The following DPY19L2 variants were observed in gnomAD, a reference collection of about 807,000 sequenced individuals.
DPY19L2 encodes dpy-19 like 2, also known as probable C-mannosyltransferase DPY19L2.
Under a neutral mutation model 97.9 loss-of-function variants are expected in DPY19L2, and 34 were observed. That is an observed-to-expected ratio of 0.35 (90% CI 0.26 to 0.46). DPY19L2 has a LOEUF of 0.46. Among genes scored for constraint, DPY19L2 ranks in the 20% least tolerant of loss-of-function variants. DPY19L2 has a pLI of 1.00. For synonymous variants in DPY19L2, 230 were observed against 307.9 expected (o/e 0.75, Z 2.65); for missense variants, 623 against 911.4 (o/e 0.68, Z 4.07).
At chr12:63,659,876 A>C (rs1288934960) in intron 4 of DPY19L2, among the ~76,000 whole-genome samples, 2 of 152,300 alleles carry the variant, frequency 1.3e-5, no homozygotes, top group Non-Finnish European at 2.9e-5. Context: ...ACCTCAAAAA[A>C]GCTGATTTGG....
At chr12:63,650,326 C>A (rs1269434101) in intron 4 of DPY19L2, among the ~76,000 whole-genome samples, 3 of 152,078 alleles carry the variant, frequency 2.0e-5, no homozygotes, top group Admixed American at 6.5e-5. Flanking sequence ...CCAGAGCAAT[C>A]AGGCAAAAGA....
chr12:63,625,754 C>A (rs571762042), intron 7 of DPY19L2, among the ~76,000 whole-genome samples: 1 of 152,082 alleles, frequency 6.6e-6, no homozygotes, highest in Non-Finnish European at 1.5e-5. Context: ...AGGCCTGAGG[C>A]CTCTTTCATT....
chr12:63,634,596 T>A (rs1346349861), intron 6 of DPY19L2, among the ~76,000 whole-genome samples: 3 of 152,134 alleles, frequency 2.0e-5, no homozygotes, highest in Non-Finnish European at 2.9e-5. Flanking sequence ...TACGGCACTT[T>A]TCCAACGGTC....
rs71434019 is a variant in DPY19L2 at position 63,600,611 on chromosome 12, CTTTTTTT to C, written c.1279-232_1279-226del. Among the ~76,000 whole-genome samples, 16 of 110,572 alleles carry C rather than the reference CTTTTTTT, an allele frequency of 1.4e-4. 1 individual carries two copies. The South Asian group carries it at 3.3e-3, about 23-fold the overall frequency. The allele number at this position is 110,572 out of a possible 152,430, so 72.5% of individuals were successfully genotyped here. On this transcript the variant is annotated intron_variant, in intron 12 of 21. Coordinates refer to ENST00000324472, the MANE Select transcript of DPY19L2 (RefSeq NM_173812.5). ...CACTAGAATTCTACATATCCTAAATCTTTTTTTTTTTTTTTTTTTTGTCTTAAGGAGT... is the reference window on the plus strand; with the variant it reads ...CACTAGAATTCTACATATCCTAAATCTTTTTTTTTTTTTGTCTTAAGGAGT...
chr12:63,632,016 C>G (rs1020282926), intron 6 of DPY19L2, among the ~76,000 whole-genome samples: 19 of 152,110 alleles, frequency 1.2e-4, no homozygotes, highest in Non-Finnish European at 2.8e-4. Flanking sequence ...ATTCAACAAC[C>G]CCTCATGCTA....
At chr12:63,609,968 C>A (rs1335061531) in intron 11 of DPY19L2, among the ~76,000 whole-genome samples, 1 of 151,568 alleles carries the variant, frequency 6.6e-6, no homozygotes, top group Admixed American at 6.6e-5. Context: ...AGTTAGGCAA[C>A]AACCTAAATG....
chr12:63,559,357 A>T lies in DPY19L2; in HGVS notation c.*1155T>A, dbSNP rs1876079009. On this transcript the variant is annotated 3_prime_UTR_variant, in exon 22 of 22. Coordinates refer to ENST00000324472, the MANE Select transcript of DPY19L2 (RefSeq NM_173812.5). The stretch of plus-strand genomic sequence containing the variant: ...GCAAGAACATAAGGGAATTATAAAA[A>T]CCCCAAGATGACTCATTTAAAGTAG... 6.6e-6 allele frequency: 1 copy of T among 152,252 alleles called. No homozygotes were observed. Among genetic ancestry groups the T allele is most frequent in the South Asian group, 2.1e-4 (1 of 4,826 alleles). The allele number at this position is 152,252 out of a possible 1,614,324, so 9.4% of individuals were successfully genotyped here. A position where few individuals can be genotyped will look rare whatever the true frequency, so the allele number is the denominator to read the frequency against.
At position 63,647,311 on chromosome 12, in the gene DPY19L2, G is replaced by C. The variant is rs759775624; in HGVS notation, c.643C>G (p.Leu215Val). ...TFMGIMNLFGLETKTCWNVTR... is the reference protein window; with the variant it reads ...TFMGIMNLFGVETKTCWNVTR... ...ACATTCCAGCAGGTCTTAGTTTCTAGTCCAAATAAATTCATTATTCCCATG... is the reference window on the plus strand; with the variant it reads ...ACATTCCAGCAGGTCTTAGTTTCTACTCCAAATAAATTCATTATTCCCATG... The change falls in exon 5 of 22, where the codon CTA becomes GTA. Residue 215 changes from leucine (L) to valine (V), a missense_variant. Physicochemically the swap from Leu to Val is conservative, Grantham distance 32 (BLOSUM62 1). Coordinates refer to ENST00000324472, the MANE Select transcript of DPY19L2 (RefSeq NM_173812.5). The C allele has an allele frequency of 6.3e-7, 1 of 1,590,182 alleles. No individual in the cohort carries two copies. The highest frequency in any genetic ancestry group is 1.1e-5 in the South Asian group (1 of 88,092).
At chr12:63,572,404 T>G (rs1297858356) in intron 19 of DPY19L2, among the ~76,000 whole-genome samples, 1 of 151,984 alleles carries the variant, frequency 6.6e-6, no homozygotes, top group African/African-American at 2.4e-5. Flanking sequence ...TCAGCTGCAG[T>G]AGGATAGAGC....
In DPY19L2 at chr12:63,668,341, T is replaced by G; in HGVS notation, c.53A>C (p.Gln18Pro). ...SKRLQSSGRS[Q>P]SKGRRGASLA... ...GGAGGCCCCGCGCCGCCCCTTAGAC[T>G]GGCTGCGGCCGGAAGATTGCAGCCG... The change falls in exon 1 of 22, where the codon CAG (glutamine) becomes CCG (proline). Residue 18 changes from glutamine (Q) to proline (P), a missense_variant. Coordinates refer to ENST00000324472, the MANE Select transcript of DPY19L2 (RefSeq NM_173812.5). 1 of 1,613,570 alleles carries G rather than the reference T, an allele frequency of 6.2e-7. No individual in the cohort carries two copies. Among genetic ancestry groups the G allele is most frequent in the Non-Finnish European group, 8.5e-7 (1 of 1,179,834 alleles).
Position 63,638,818 on chromosome 12 carries a change from A to T in DPY19L2, c.803+5585T>A, listed in dbSNP as rs1426477866. ...GATTCAATGCCATCCCCATCAAGCT[A>T]CCAATGACTTTCTTCACAGAATTGG... is the stretch of plus-strand genomic sequence containing the variant. On this transcript the variant is annotated intron_variant, in intron 6 of 21. Transcript: ENST00000324472. 3.9e-5 allele frequency among the ~76,000 whole-genome samples: 6 copies of T among 152,284 alleles called. 1 individual carries two copies. Among genetic ancestry groups the T allele is most frequent in the African/African-American group, 1.4e-4 (6 of 41,536 alleles).
At chr12:63,571,875 C>A (rs983227591) in intron 19 of DPY19L2, among the ~76,000 whole-genome samples, 1 of 152,092 alleles carries the variant, frequency 6.6e-6, no homozygotes, top group East Asian at 1.9e-4. Flanking sequence ...GTGAAGGTTA[C>A]TATCATTTTT....
At chr12:63,660,339 A>G (rs1377848291) in intron 4 of DPY19L2, among the ~76,000 whole-genome samples, 3 of 151,804 alleles carry the variant, frequency 2.0e-5, no homozygotes, top group African/African-American at 7.3e-5. Flanking sequence ...AGAAATATAT[A>G]TATACAGAAA....
intron 4 of DPY19L2, among the ~76,000 whole-genome samples, chr12:63,659,356 T>A (rs1895378197): frequency 2.0e-5 from 3 of 151,886 alleles, no homozygotes; most frequent in African/African-American, 4.8e-5. Context: ...AAACTAAAAA[T>A]AATCAACAAA....
At chr12:63,659,734 A>G (rs1271051308) in intron 4 of DPY19L2, among the ~76,000 whole-genome samples, 3 of 152,126 alleles carry the variant, frequency 2.0e-5, no homozygotes, top group South Asian at 2.1e-4. Flanking sequence ...AGTTACCACA[A>G]TGGAGCATTT....
chr12:63,624,097 T>C lies in DPY19L2; in HGVS notation c.896A>G (p.Glu299Gly). The change falls in exon 8 of 22, where the codon GAA (glutamate) becomes GGA (glycine). Residue 299 changes from glutamate to glycine, a missense_variant. Physicochemically the swap from Glu to Gly is moderately conservative, Grantham distance 98. This residue lies in a region of DPY19L2 where 67 missense variants were observed against 88.0 expected (regional missense o/e 0.76). Coordinates refer to ENST00000324472, the MANE Select transcript of DPY19L2 (RefSeq NM_173812.5). ...TACAAGGAAAGGATAGGAAAAACTT[T>C]CACGGAGAGGTGGTGTCCACATCAC... ...TRVMWTPPLRESFSYPFLVLQ... is the reference protein window; with the variant it reads ...TRVMWTPPLRGSFSYPFLVLQ... 1 of 1,611,820 alleles carries C rather than the reference T, an allele frequency of 6.2e-7. No homozygotes were observed. Among genetic ancestry groups the C allele is most frequent in the Non-Finnish European group, 8.5e-7 (1 of 1,179,668 alleles).
chr12:63,628,884 C>G (rs1320773549), intron 6 of DPY19L2, among the ~76,000 whole-genome samples: 1 of 151,272 alleles, frequency 6.6e-6, no homozygotes, highest in East Asian at 1.9e-4. Flanking sequence ...GAGGAATGAT[C>G]AGGCAGCAAC....
intron 6 of DPY19L2, among the ~76,000 whole-genome samples, chr12:63,642,850 C>A (rs1287397787): frequency 6.6e-6 from 1 of 152,040 alleles, no homozygotes; most frequent in Non-Finnish European, 1.5e-5. Context: ...ACTGGTAGAG[C>A]ATTGAATCTA....
At chr12:63,633,201 C>T (rs1891028115) in intron 6 of DPY19L2, among the ~76,000 whole-genome samples, 1 of 152,032 alleles carries the variant, frequency 6.6e-6, no homozygotes, top group South Asian at 2.1e-4. Flanking sequence ...CAAGAAAAGC[C>T]GAAATTGACA....
Sources: gnomAD v4.1 joint callset for allele counts (sites outside exome capture counted in the v4.1 genomes callset) on GRCh38, gnomAD v4.1.1 for gene constraint, gnomAD v4.1.1 regional missense constraint, MANE v1.5 for transcripts, NCBI Gene and HGNC (gene_info 2026-07-23, HGNC 2026-07-21) for gene names.